Variants in PDE4D observed in about 807,000 individuals in gnomAD.
The protein encoded by PDE4D is 3',5'-cyclic-AMP phosphodiesterase 4D.
PDE4D carries 24 observed loss-of-function variants against 87.4 expected under a neutral mutation model. The ratio of observed to expected loss-of-function variants is 0.27; its 90% CI spans 0.20 to 0.39. The LOEUF (loss-of-function observed/expected upper bound fraction) is 0.39. Ranked by LOEUF, PDE4D falls within the 10% of genes least tolerant of loss-of-function variation. PDE4D has a pLI of 1.00. For synonymous variants in PDE4D, 384 were observed against 383.2 expected (o/e 1.00, Z -0.02); for missense variants, 714 against 1,041.0 (o/e 0.69, Z 4.32).
intron 1 of PDE4D, among the ~76,000 whole-genome samples, chr5:60,347,777 T>G (rs1758853101): frequency 6.6e-6 from 1 of 152,088 alleles, no homozygotes; most frequent in Admixed American, 6.6e-5. Flanking sequence ...TATAATTCCT[T>G]GCACACTGAG....
chr5:59,285,466 T>C (rs1766745636), intron 1 of PDE4D, among the ~76,000 whole-genome samples: 1 of 151,984 alleles, frequency 6.6e-6, no homozygotes, highest in East Asian at 1.9e-4. Context: ...AAAAGTTACT[T>C]TAGATGCCTT....
At chr5:60,073,554 C>A (rs927053265) in intron 2 of PDE4D, among the ~76,000 whole-genome samples, 2 of 151,118 alleles carry the variant, frequency 1.3e-5, no homozygotes, top group Non-Finnish European at 2.9e-5. Flanking sequence ...GGAGGAGTCC[C>A]TCCTCCTTAA....
chr5:60,118,174 CT>C (rs1477896103), intron 2 of PDE4D, among the ~76,000 whole-genome samples: 1 of 152,118 alleles, frequency 6.6e-6, no homozygotes, highest in Non-Finnish European at 1.5e-5. Flanking sequence ...AAACAAGTTT[CT>C]GTCATTAACT....
At chr5:60,437,381 A>G (rs529944861) in intron 1 of PDE4D, among the ~76,000 whole-genome samples, 81 of 152,282 alleles carry the variant, frequency 5.3e-4, no homozygotes, top group African/African-American at 1.9e-3. Context: ...ATGAGACAAT[A>G]TATAATGTAC....
chr5:59,373,068 C>T (rs1173530276), intron 1 of PDE4D, among the ~76,000 whole-genome samples: 3 of 151,640 alleles, frequency 2.0e-5, no homozygotes, highest in African/African-American at 7.3e-5. Context: ...GAAAAGTCCA[C>T]AAAGATGAGA....
intron 1 of PDE4D, among the ~76,000 whole-genome samples, chr5:59,827,181 T>C (rs959159434): frequency 6.6e-6 from 1 of 151,940 alleles, no homozygotes; most frequent in Non-Finnish European, 1.5e-5. Flanking sequence ...AGGTGAGCAA[T>C]AGTAGTTAAG....
At chr5:60,437,911 G>A (rs1038708534) in intron 1 of PDE4D, among the ~76,000 whole-genome samples, 1 of 152,076 alleles carries the variant, frequency 6.6e-6, no homozygotes, top group African/African-American at 2.4e-5. Context: ...AACAACTTTT[G>A]CAAAAGAAGA....
At chr5:60,345,043 TTATACTA>T (rs1381722897) in intron 1 of PDE4D, among the ~76,000 whole-genome samples, 1 of 152,062 alleles carries the variant, frequency 6.6e-6, no homozygotes, top group Non-Finnish European at 1.5e-5. Flanking sequence ...GTAGTTGAGA[TTATACTA>T]TATACGTATT....
intron 2 of PDE4D, among the ~76,000 whole-genome samples, chr5:60,057,689 A>G (rs536929622): frequency 3.3e-5 from 5 of 152,194 alleles, no homozygotes; most frequent in African/African-American, 1.2e-4. Context: ...ATAAATAACT[A>G]ATTTATGTAA....
chr5:59,596,781 A>G (rs1456963046), intron 1 of PDE4D, among the ~76,000 whole-genome samples: 1 of 151,078 alleles, frequency 6.6e-6, no homozygotes, highest in Non-Finnish European at 1.5e-5. Flanking sequence ...TTCATTTACT[A>G]GGCAGCAAAT....
intron 1 of PDE4D, among the ~76,000 whole-genome samples, chr5:59,474,829 T>G (rs1296304817): frequency 6.6e-6 from 1 of 152,092 alleles, no homozygotes; most frequent in African/African-American, 2.4e-5. Context: ...TGCAAAAAAG[T>G]TAATTTTTTG....
At chr5:59,502,335 T>C (rs931152056) in intron 1 of PDE4D, among the ~76,000 whole-genome samples, 2 of 152,134 alleles carry the variant, frequency 1.3e-5, no homozygotes, top group Non-Finnish European at 2.9e-5. Context: ...ATGACATGAC[T>C]TTCAGATTTA....
chr5:60,379,211 A>G lies in PDE4D; in HGVS notation c.-90+108731T>C, dbSNP rs569242546. 5.9e-5 allele frequency among the ~76,000 whole-genome samples: 9 copies of G among 152,116 alleles called. No individual in the cohort carries two copies. The South Asian group carries it at 1.7e-3, about 28-fold the overall frequency. On this transcript the variant is annotated intron_variant, in intron 1 of 16. Transcript: ENST00000502484. Reference sequence around the variant, plus strand: ...GAAAAGAAAAAAAAAAAAACATTAAAACCAATCAACCAAAGAAGTCGTTTT... The same window carrying G: ...GAAAAGAAAAAAAAAAAAACATTAAGACCAATCAACCAAAGAAGTCGTTTT...
At chr5:60,378,365 C>T (rs6860887) in intron 1 of PDE4D, among the ~76,000 whole-genome samples, 62,046 of 151,866 alleles carry the variant, frequency 0.41, 15,068 homozygotes, top group African/African-American at 0.67. Flanking sequence ...CATAAGGATC[C>T]AAGTTTACCT....
intron 1 of PDE4D, among the ~76,000 whole-genome samples, chr5:60,308,386 C>T (rs367833333): frequency 6.6e-6 from 1 of 152,086 alleles, no homozygotes; most frequent in Admixed American, 6.5e-5. Flanking sequence ...TTCTGAGGTA[C>T]CAAATAGCCA....
intron 1 of PDE4D, chr5:60,429,773 T>C (rs1358145102): frequency 3.5e-6 from 1 of 286,718 alleles, no homozygotes; most frequent in Non-Finnish European, 6.8e-6. Flanking sequence ...TTTATTGATT[T>C]GCATATGTTG....
chr5:60,329,254 G>T (rs1470498691), intron 1 of PDE4D, among the ~76,000 whole-genome samples: 1 of 152,142 alleles, frequency 6.6e-6, no homozygotes, highest in Non-Finnish European at 1.5e-5. Context: ...TGGGTGGGGG[G>T]TTACTTCCAT....
chr5:59,560,005 A>G (rs1185991912), intron 1 of PDE4D, among the ~76,000 whole-genome samples: 1 of 152,228 alleles, frequency 6.6e-6, no homozygotes, highest in Non-Finnish European at 1.5e-5. Context: ...AGTTGAAAGG[A>G]ATGGCATGTC....
intron 3 of PDE4D, among the ~76,000 whole-genome samples, chr5:59,950,135 A>G (rs1225050893): frequency 2.6e-5 from 4 of 152,254 alleles, no homozygotes; most frequent in South Asian, 2.1e-4. Context: ...TTGGTACTTC[A>G]TGATTCATTT....
Sources: gnomAD v4.1 joint callset for allele counts (sites outside exome capture counted in the v4.1 genomes callset) on GRCh38, gnomAD v4.1.1 for gene constraint, MANE v1.5 for transcripts, NCBI Gene and HGNC (gene_info 2026-07-23, HGNC 2026-07-21) for gene names.